Variants in CNTN5 observed in about 807,000 individuals in gnomAD.
The protein encoded by CNTN5 is contactin-5.
CNTN5 carries 77 observed loss-of-function variants against 129.1 expected under a neutral mutation model. The observed-to-expected ratio is 0.60, with a 90% CI of 0.50 to 0.72. The LOEUF is 0.72. CNTN5 is among the 30% of genes least tolerant of loss of function. The probability of loss-of-function intolerance (pLI) is 0.00; values close to 1 mark genes in which losing one functional copy is unlikely to be tolerated. For missense variants in CNTN5, 1,478 were observed against 1,328.8 expected (o/e 1.11, Z -1.75); for synonymous variants, 509 against 465.6 (o/e 1.09, Z -1.20).
intron 1 of CNTN5, among the ~76,000 whole-genome samples, chr11:99,127,609 G>A (rs112703560): frequency 0.087 from 13,288 of 152,114 alleles, 725 homozygotes; most frequent in South Asian, 0.12. Context: ...GTGTTCTAGC[G>A]CACTGCAATC....
At chr11:99,185,724 A>T (rs1164136664) in intron 1 of CNTN5, among the ~76,000 whole-genome samples, 1 of 151,828 alleles carries the variant, frequency 6.6e-6, no homozygotes, top group East Asian at 1.9e-4. Flanking sequence ...TGGAGCTGAA[A>T]GTGTATATTT....
At chr11:100,141,232 G>A (rs1374321192) in intron 13 of CNTN5, among the ~76,000 whole-genome samples, 2 of 152,178 alleles carry the variant, frequency 1.3e-5, no homozygotes, top group Non-Finnish European at 2.9e-5. Flanking sequence ...AATGAAAGAC[G>A]ACTTGGGAGT....
At chr11:99,773,145 G>A (rs1427209057) in intron 3 of CNTN5, among the ~76,000 whole-genome samples, 8 of 151,864 alleles carry the variant, frequency 5.3e-5, no homozygotes, top group African/African-American at 9.7e-5. Flanking sequence ...ACTCCCTCAG[G>A]GAAACCACTA....
chr11:99,539,172 TAA>T (rs964857528), intron 2 of CNTN5, among the ~76,000 whole-genome samples: 1 of 152,140 alleles, frequency 6.6e-6, no homozygotes, highest in African/African-American at 2.4e-5. Flanking sequence ...AGTTTAAAAT[TAA>T]GTTTTATCAC....
chr11:99,781,200 C>T (rs1945298579), intron 3 of CNTN5, among the ~76,000 whole-genome samples: 1 of 151,976 alleles, frequency 6.6e-6, no homozygotes, highest in Admixed American at 6.6e-5. Flanking sequence ...TTGTTAACTG[C>T]CTGAAACATG....
chr11:99,922,031 T>C (rs1949951820), intron 7 of CNTN5, among the ~76,000 whole-genome samples: 1 of 152,194 alleles, frequency 6.6e-6, no homozygotes, highest in South Asian at 2.1e-4. Flanking sequence ...AATATATTAG[T>C]CCATTTTCGT....
chr11:100,090,517 C>CCCTCCCTCCCTCCCTCCCTT (rs1944730223), intron 13 of CNTN5, among the ~76,000 whole-genome samples: 1 of 67,378 alleles, frequency 1.5e-5, no homozygotes, highest in Non-Finnish European at 2.7e-5. Flanking sequence ...CTCCCTCCCT[C>CCCTCCCTCCCTCCCTCCCTT]CCTCCCTCCC....
intron 18 of CNTN5, among the ~76,000 whole-genome samples, chr11:100,281,996 A>ATTTTTTTTTTTT (rs34162956): frequency 1.6e-5 from 2 of 123,164 alleles, no homozygotes; most frequent in African/African-American, 2.9e-5. Flanking sequence ...TTGGCATTCT[A>ATTTTTTTTTTTT]TTTTTTTTTT....
At chr11:99,939,904 G>T (rs1950397144) in intron 7 of CNTN5, among the ~76,000 whole-genome samples, 1 of 152,108 alleles carries the variant, frequency 6.6e-6, no homozygotes. Flanking sequence ...AAAACTCAAA[G>T]CAGTTAGCTT....
intron 1 of CNTN5, among the ~76,000 whole-genome samples, chr11:99,294,020 G>T (rs531325301): frequency 1.3e-5 from 2 of 151,428 alleles, no homozygotes; most frequent in South Asian, 4.2e-4. Flanking sequence ...TTTATTTGAA[G>T]TCTTTTTTTA....
intron 3 of CNTN5, among the ~76,000 whole-genome samples, chr11:99,622,852 A>T (rs1208926847): frequency 7.3e-6 from 1 of 137,382 alleles, no homozygotes; most frequent in Non-Finnish European, 1.6e-5. Flanking sequence ...AAAAAGTGCC[A>T]AGTGAACCTG....
At chr11:99,940,194 A>G (rs1950404619) in intron 7 of CNTN5, among the ~76,000 whole-genome samples, 1 of 152,150 alleles carries the variant, frequency 6.6e-6, no homozygotes. Flanking sequence ...TCAGCCCCCA[A>G]TGTCAAGGGT....
intron 3 of CNTN5, among the ~76,000 whole-genome samples, chr11:99,591,015 C>G (rs1366288132): frequency 6.6e-6 from 1 of 152,188 alleles, no homozygotes; most frequent in East Asian, 1.9e-4. Context: ...TTGTGAACCA[C>G]TGATGACTCT....
intron 2 of CNTN5, among the ~76,000 whole-genome samples, chr11:99,439,640 G>GGAGGTTGCAGTGAGCC (rs1555145254): frequency 2.7e-5 from 4 of 145,912 alleles, no homozygotes; most frequent in Non-Finnish European, 6.0e-5. Context: ...CCCGGAAGGC[G>GGAGGTTGCAGTGAGCC]GAGGTTGCAG....
intron 3 of CNTN5, among the ~76,000 whole-genome samples, chr11:99,644,458 CAA>C (rs1216504700): frequency 6.6e-6 from 1 of 152,124 alleles, no homozygotes; most frequent in Non-Finnish European, 1.5e-5. Context: ...AAATGAATCT[CAA>C]GTCAAATAAT....
intron 7 of CNTN5, among the ~76,000 whole-genome samples, chr11:99,937,064 GA>G (rs375144774): frequency 2.0e-5 from 3 of 151,618 alleles, no homozygotes; most frequent in African/African-American, 7.3e-5. Flanking sequence ...AAAGGAAAAA[GA>G]AAAAAAATAA....
rs189677743 is a variant in CNTN5, at chr11:100,309,710, G to A, written c.2730+1242G>A. The A allele has an allele frequency of 8.5e-5, 84 of 984,780 alleles. 1 individual carries two copies. The highest frequency in any genetic ancestry group is 1.0e-3 in the Middle Eastern group (2 of 1,914). 61.0% of individuals were successfully genotyped at this position (984,780 alleles called of 1,614,324 possible). On this transcript the variant is annotated intron_variant, in intron 21 of 24. Coordinates refer to ENST00000524871, the MANE Select transcript of CNTN5 (RefSeq NM_014361.4). ...ATATGTTGAATGAATAAATGTTTGT[G>A]TGGCACAATTAGCCCCTTTCTATCC... is the stretch of plus-strand genomic sequence containing the variant.
chr11:99,511,766 A>G (rs1181617608), intron 2 of CNTN5, among the ~76,000 whole-genome samples: 1 of 152,052 alleles, frequency 6.6e-6, no homozygotes, highest in Non-Finnish European at 1.5e-5. Flanking sequence ...GCACATGTAT[A>G]CATATGTAAC....
intron 2 of CNTN5, among the ~76,000 whole-genome samples, chr11:99,508,877 C>CGG (rs1946728808): frequency 6.6e-6 from 1 of 151,964 alleles, no homozygotes; most frequent in Non-Finnish European, 1.5e-5. Context: ...GACGGGGTTT[C>CGG]ACCAGATTGG....
Sources: gnomAD v4.1 joint callset for allele counts (sites outside exome capture counted in the v4.1 genomes callset) on GRCh38, gnomAD v4.1.1 for gene constraint, MANE v1.5 for transcripts, NCBI Gene and HGNC (gene_info 2026-07-23, HGNC 2026-07-21) for gene names.